AGBL1: variants seen among roughly 807,000 people sequenced by gnomAD.
AGBL1 encodes AGBL carboxypeptidase 1.
Under a neutral mutation model 118.9 loss-of-function variants are expected in AGBL1, and 130 were observed. The observed-to-expected ratio is 1.09, with a 90% CI of 0.95 to 1.26. AGBL1 has a LOEUF of 1.26. Among genes scored for constraint, AGBL1 ranks in the 50% most tolerant of loss-of-function variants. AGBL1 has a pLI of 0.00. For missense variants in AGBL1, 1,584 were observed against 1,298.1 expected (o/e 1.22, Z -3.38); for synonymous variants, 555 against 478.9 (o/e 1.16, Z -2.08).
Position 86,460,523 on chromosome 15 carries a change from T to TAACAAC in AGBL1, c.2556-62278_2556-62273dup, listed in dbSNP as rs60390844. On this transcript the variant is annotated intron_variant, in intron 18 of 22. Transcript: ENST00000614907. ...TCTTAAAACAAAACAAAACAAACAA[T>TAACAAC]AACAACAACAACAAAAACAATGGTT... Among the ~76,000 whole-genome samples the TAACAAC allele has an allele frequency of 5.8e-3, 871 of 150,864 alleles. 6 individuals are homozygous for TAACAAC. The highest frequency in any genetic ancestry group is 0.012 in the Admixed American group (188 of 15,148).
chr15:86,210,263 T>C (rs1597557513), intron 5 of AGBL1, among the ~76,000 whole-genome samples: 1 of 152,164 alleles, frequency 6.6e-6, no homozygotes, highest in Non-Finnish European at 1.5e-5. Context: ...TCCTTCATTT[T>C]AACCTTGGCG....
At chr15:86,115,423 GA>G (rs1233776680) in intron 1 of AGBL1, among the ~76,000 whole-genome samples, 2 of 151,912 alleles carry the variant, frequency 1.3e-5, no homozygotes, top group South Asian at 2.1e-4. Context: ...TTTTTCTTAA[GA>G]AAAAAAATTA....
intron 15 of AGBL1, among the ~76,000 whole-genome samples, chr15:86,278,395 C>T (rs1052793356): frequency 2.6e-5 from 4 of 152,084 alleles, no homozygotes; most frequent in African/African-American, 9.7e-5. Flanking sequence ...AGGTATCAGG[C>T]CATAGTCAGT....
rs1482814893 is a variant in AGBL1, at chr15:86,911,590, T to A, written c.*4296T>A. 6.6e-6 allele frequency: 1 copy of A among 152,188 alleles called. No individual in the cohort carries two copies. The highest frequency in any genetic ancestry group is 6.5e-5 in the Admixed American group (1 of 15,274). The allele number at this position is 152,188 out of a possible 1,614,324, so 9.4% of individuals were successfully genotyped here. On this transcript the variant is annotated 3_prime_UTR_variant, in exon 23 of 23. Coordinates refer to ENST00000614907, the MANE Select transcript of AGBL1 (RefSeq NM_001386094.1). ...CCCTCTTTCTCTCTCATCGCACTTA[T>A]GCTTGTGAGTGTCTACACACATATG...
At chr15:86,776,928 G>T (rs976772067) in intron 22 of AGBL1, among the ~76,000 whole-genome samples, 2 of 151,666 alleles carry the variant, frequency 1.3e-5, no homozygotes, top group Non-Finnish European at 2.9e-5. Context: ...TCTTCATTAC[G>T]TATTATGTTT....
Position 86,397,589 on chromosome 15 carries a change from C to A in AGBL1, c.2555+43C>A, listed in dbSNP as rs185840256. 29 of 1,537,902 alleles carry A rather than the reference C, an allele frequency of 1.9e-5. No individual in the cohort carries two copies. The African/African-American group carries it at 2.6e-4, about 14-fold the overall frequency. ...CTCAGCCAAACCCACAATTATGCTA[C>A]CACAGTGACACTGTCATTTCACCAA... On this transcript the variant is annotated intron_variant, in intron 18 of 22. Coordinates refer to ENST00000614907, the MANE Select transcript of AGBL1 (RefSeq NM_001386094.1).
At chr15:86,874,049 C>T (rs866859135) in intron 22 of AGBL1, among the ~76,000 whole-genome samples, 2 of 152,018 alleles carry the variant, frequency 1.3e-5, no homozygotes, top group African/African-American at 4.8e-5. Context: ...ACAATACTTC[C>T]CATAACCACC....
chr15:86,987,868 T>C, intron 23 of AGBL1: 12 of 1,143,058 alleles, frequency 1.0e-5, no homozygotes, highest in Non-Finnish European at 1.5e-5. Context: ...ACTATATATA[T>C]CCTATTAAAG....
chr15:86,635,982 T>C (rs1343134589), intron 21 of AGBL1, among the ~76,000 whole-genome samples: 4 of 152,082 alleles, frequency 2.6e-5, no homozygotes, highest in South Asian at 2.1e-4. Flanking sequence ...GTAGCCATGA[T>C]TTAATGACAC....
At chr15:86,230,645 G>A (rs1352737375) in intron 6 of AGBL1, among the ~76,000 whole-genome samples, 3 of 152,178 alleles carry the variant, frequency 2.0e-5, no homozygotes, top group Non-Finnish European at 4.4e-5. Flanking sequence ...GTCAGACTAC[G>A]AGAACTGGAA....
chr15:86,737,371 G>A (rs2077617427), intron 22 of AGBL1, among the ~76,000 whole-genome samples: 1 of 152,200 alleles, frequency 6.6e-6, no homozygotes. Context: ...TAACAATGGT[G>A]ATTTATTCCA....
chr15:86,457,114 C>T (rs2082270406), intron 18 of AGBL1, among the ~76,000 whole-genome samples: 1 of 151,908 alleles, frequency 6.6e-6, no homozygotes. Flanking sequence ...GAATGCACTT[C>T]AAATACGCAT....
intron 22 of AGBL1, among the ~76,000 whole-genome samples, chr15:86,875,965 C>T (rs1344945534): frequency 6.6e-5 from 10 of 152,124 alleles, no homozygotes; most frequent in Admixed American, 5.9e-4. Context: ...AAGAAGGAAA[C>T]AAAGTGATCC....
rs1451763517 is a variant in AGBL1, at chr15:86,912,978, G to A, written c.*5684G>A. The A allele has an allele frequency of 6.6e-6, 1 of 152,082 alleles. No homozygotes were observed. The highest frequency in any genetic ancestry group is 1.5e-5 in the Non-Finnish European group (1 of 68,030). The allele number at this position is 152,082 out of a possible 1,614,324, so 9.4% of individuals were successfully genotyped here. ...GATGTCCTCTTTTGTTTGTGTTGCAGTTTGGTTCATGCTACCAATGCTTGA... is the reference window on the plus strand; with the variant it reads ...GATGTCCTCTTTTGTTTGTGTTGCAATTTGGTTCATGCTACCAATGCTTGA... On this transcript the variant is annotated 3_prime_UTR_variant, in exon 23 of 23. Coordinates refer to ENST00000614907, the MANE Select transcript of AGBL1 (RefSeq NM_001386094.1).
chr15:86,372,316 C>T (rs1236249174), intron 17 of AGBL1, among the ~76,000 whole-genome samples: 1 of 152,190 alleles, frequency 6.6e-6, no homozygotes, highest in Non-Finnish European at 1.5e-5. Context: ...TTCTTTCCCT[C>T]CTTCCCTCCT....
At chr15:86,159,727 A>C (rs2077240630) in intron 5 of AGBL1, among the ~76,000 whole-genome samples, 1 of 152,120 alleles carries the variant, frequency 6.6e-6, no homozygotes, top group East Asian at 1.9e-4. Flanking sequence ...ATATTAGAAG[A>C]AATTCAGCCA....
chr15:86,168,206 A>G (rs7169489), intron 5 of AGBL1, among the ~76,000 whole-genome samples: 7,466 of 152,252 alleles, frequency 0.049, 605 homozygotes, highest in African/African-American at 0.17. Flanking sequence ...CATGTAAACA[A>G]ATAAGATTAA....
rs530707646 is a variant in AGBL1, at chr15:86,501,369, T to C, written c.2556-21441T>C. Among the ~76,000 whole-genome samples the C allele has an allele frequency of 1.8e-3, 271 of 151,772 alleles. 8 individuals carry two copies. In the South Asian group the frequency reaches 0.054, roughly 30 times the overall value. On this transcript the variant is annotated intron_variant, in intron 18 of 22. Coordinates refer to ENST00000614907, the MANE Select transcript of AGBL1 (RefSeq NM_001386094.1). ...ATTGGATTGTTTGTATTATTGAGTA[T>C]AAGAAAATATTTTCTCCCATTCTGT...
chr15:86,137,176 A>G (rs1303151704), intron 1 of AGBL1, among the ~76,000 whole-genome samples: 2 of 152,224 alleles, frequency 1.3e-5, no homozygotes, highest in African/African-American at 2.4e-5. Context: ...ACTGATCACC[A>G]TAATGTTTAC....
Sources: gnomAD v4.1 joint callset for allele counts (sites outside exome capture counted in the v4.1 genomes callset) on GRCh38, gnomAD v4.1.1 for gene constraint, MANE v1.5 for transcripts, NCBI Gene and HGNC (gene_info 2026-07-23, HGNC 2026-07-21) for gene names.